TBCD: variants seen among roughly 807,000 people sequenced by gnomAD.
The protein encoded by TBCD is tubulin-specific chaperone D.
Under a neutral mutation model 169.3 loss-of-function variants are expected in TBCD, and 105 were observed. The observed-to-expected ratio is 0.62, with a 90% CI of 0.53 to 0.73. TBCD has a LOEUF of 0.73. Ranked by LOEUF, TBCD falls within the 30% of genes least tolerant of loss-of-function variation. The probability of loss-of-function intolerance (pLI) is 0.00; values close to 1 mark genes in which losing one functional copy is unlikely to be tolerated. For synonymous variants in TBCD, 700 were observed against 643.9 expected, an observed-to-expected ratio of 1.09 and a Z score of -1.32; for missense variants, 1,444 against 1,600.1, an observed-to-expected ratio of 0.90 and a Z score of 1.66.
intron 6 of TBCD, among the ~76,000 whole-genome samples, chr17:82,777,614 G>A (rs1751584723): frequency 6.6e-6 from 1 of 152,192 alleles, no homozygotes. Flanking sequence ...GAGATAAACA[G>A]CTTACATTAT....
At chr17:82,894,500 G>A (rs924604574) in intron 17 of TBCD, among the ~76,000 whole-genome samples, 1 of 152,000 alleles carries the variant, frequency 6.6e-6, no homozygotes, top group Non-Finnish European at 1.5e-5. Flanking sequence ...TGTGTAGACC[G>A]TGCAGAAAGG....
chr17:82,809,898 G>A, intron 12 of TBCD, 116 bp downstream of exon 12: 2 of 919,240 alleles, frequency 2.2e-6, no homozygotes, highest in South Asian at 3.3e-5. Context: ...AACTCCAGAA[G>A]CTCTTTTTTC....
chr17:82,907,709 G>A, intron 20 of TBCD, 52 bp from the exon 21 acceptor site: 3 of 1,604,988 alleles, frequency 1.9e-6, no homozygotes, highest in Non-Finnish European at 8.5e-7. Context: ...AGTGTACTCG[G>A]GGTTAGGGTC....
rs1187688350 is a variant in TBCD, at chr17:82,752,428, G to T, written c.184+51G>T. The T allele has an allele frequency of 4.2e-6, 5 of 1,182,304 alleles. No homozygotes were observed. The East Asian group carries it at 1.1e-4, about 26-fold the overall frequency. The allele number at this position is 1,182,304 out of a possible 1,614,324, so 73.2% of individuals were successfully genotyped here. A position where few individuals can be genotyped will look rare whatever the true frequency, so the allele number is the denominator to read the frequency against. On this transcript the variant is annotated intron_variant, in intron 1 of 38. Coordinates refer to ENST00000355528, the MANE Select transcript of TBCD (RefSeq NM_005993.5). ...CTTCCTCCCCCGGCCCGGGTTCGGC[G>T]CGCTGAGTGCACTTTACCGGGCGGG...
intron 21 of TBCD, 116 bp downstream of exon 21, chr17:82,907,937 G>T (rs2060362042): frequency 2.7e-6 from 3 of 1,120,912 alleles, no homozygotes; most frequent in East Asian, 2.6e-5. Context: ...TGCTCCATCA[G>T]TCCTGGGCTC....
At chr17:82,817,313 T>TGG (rs199916607) in intron 13 of TBCD, among the ~76,000 whole-genome samples, 2,310 of 152,100 alleles carry the variant, frequency 0.015, 58 homozygotes, top group African/African-American at 0.054. Flanking sequence ...TTTCTTTTTT[T>TGG]GAGACAGGAT....
At chr17:82,815,686 T>C (rs950981852) in intron 13 of TBCD, among the ~76,000 whole-genome samples, 23 of 152,228 alleles carry the variant, frequency 1.5e-4, no homozygotes, top group African/African-American at 5.5e-4. Context: ...GGGCCCATCC[T>C]GAGAGGGCCT....
intron 7 of TBCD, among the ~76,000 whole-genome samples, chr17:82,787,182 AGAGTG>A (rs1261699868): frequency 2.0e-5 from 3 of 152,214 alleles, no homozygotes; most frequent in Non-Finnish European, 4.4e-5. Flanking sequence ...ATGCTGGCAA[AGAGTG>A]AGGCGTGCTG....
rs992299166 is a variant in TBCD at position 82,890,695 on chromosome 17, G to A, written c.1563+998G>A. 7.9e-5 allele frequency among the ~76,000 whole-genome samples: 12 copies of A among 152,188 alleles called. No individual in the cohort carries two copies. The highest frequency in any genetic ancestry group is 2.7e-4 in the African/African-American group (11 of 41,448). On this transcript the variant is annotated intron_variant, in intron 16 of 38. Transcript: ENST00000355528. This position sits in a 1 kb window ranked among gnomAD's most constrained non-coding sequence, Gnocchi z 5.3. ...GGGCGTGACTACTTCTTGCTGGCCC[G>A]AGGCAGCCGAGGCCCACCCAGCATC... is the stretch of plus-strand genomic sequence containing the variant.
intron 7 of TBCD, 37 bp downstream of exon 7, chr17:82,781,758 GA>G: frequency 6.2e-7 from 1 of 1,603,856 alleles, no homozygotes; most frequent in Non-Finnish European, 8.5e-7. Context: ...AGATCGCAGG[GA>G]AATGGCGCCT....
rs540673328 is a variant in TBCD, at chr17:82,827,635, CACAT to C, written c.1318+12702_1318+12705del. Among the ~76,000 whole-genome samples, 7 of 152,272 alleles carry C rather than the reference CACAT, an allele frequency of 4.6e-5. No individual in the cohort carries two copies. In the East Asian group the frequency reaches 9.6e-4, roughly 21 times the overall value. On this transcript the variant is annotated intron_variant, in intron 13 of 38. Transcript: ENST00000355528. ...ACACACGTGTACATGTGCACACTGA[CACAT>C]GCACGTTGACACGTGTACACCCAAT...
intron 7 of TBCD, among the ~76,000 whole-genome samples, chr17:82,791,354 G>T (rs1050047689): frequency 2.0e-5 from 3 of 152,306 alleles, no homozygotes; most frequent in Non-Finnish European, 2.9e-5. Flanking sequence ...GCCTCCCAAA[G>T]TGCTGGGATT....
Position 82,938,224 on chromosome 17 carries a change from G to T in TBCD, c.3369+88G>T, listed in dbSNP as rs1056892955. 33 of 1,427,468 alleles carry T rather than the reference G, an allele frequency of 2.3e-5. No individual in the cohort carries two copies. In the African/African-American group the frequency reaches 4.5e-4, roughly 20 times the overall value. The allele number at this position is 1,427,468 out of a possible 1,614,324, so 88.4% of individuals were successfully genotyped here. A position where few individuals can be genotyped will look rare whatever the true frequency, so the allele number is the denominator to read the frequency against. On this transcript the variant is annotated intron_variant, in intron 36 of 38. Coordinates refer to ENST00000355528, the MANE Select transcript of TBCD (RefSeq NM_005993.5). The stretch of plus-strand genomic sequence containing the variant: ...AGGCCTTCGCTGGCACTGTTGTGTT[G>T]GTGTGCTTTCCAGCCGAGCCCCTCT...
chr17:82,918,407 G>C (rs1000805574), intron 23 of TBCD: 1 of 152,150 alleles, frequency 6.6e-6, no homozygotes, highest in Non-Finnish European at 1.5e-5. Flanking sequence ...GTATGGTCGT[G>C]GCATTTCGAG....
rs553172184 is a variant in TBCD at position 82,932,691 on chromosome 17, C to T, written c.3147C>T (p.His1049=). ...VSVPLLKTLD[H]VLTHGCFDIF... is the part of the protein sequence containing the mutation. ...TGCCGCTGCTGAAGACGCTGGACCA[C>T]GTGCTCACCCACGGCTGCTTCGACA... The change falls in exon 34 of 39, where the codon CAC becomes CAT. Residue 1049 remains histidine (H), a synonymous_variant. Transcript: ENST00000355528. 38 of 1,613,814 alleles carry T rather than the reference C, an allele frequency of 2.4e-5. 1 individual carries two copies. The highest frequency in any genetic ancestry group is 1.8e-4 in the South Asian group (16 of 91,020).
In TBCD at chr17:82,943,940, T is replaced by G. The variant is rs1160367779; in HGVS notation, c.*1477T>G. On this transcript the variant is annotated 3_prime_UTR_variant, in exon 39 of 39. Transcript: ENST00000355528. ...ATGAGTCCACACAGTGGAAAAGGCT[T>G]GGCTCCTGTGGTCGGCACACACGAG... The G allele has an allele frequency of 6.6e-6, 1 of 152,192 alleles. No homozygotes were observed. The highest frequency in any genetic ancestry group is 1.5e-5 in the Non-Finnish European group (1 of 68,042). 9.4% of individuals were successfully genotyped at this position (152,192 alleles called of 1,614,324 possible). A position where few individuals can be genotyped will look rare whatever the true frequency, so the allele number is the denominator to read the frequency against.
In TBCD at chr17:82,784,614, G is replaced by A. The variant is rs114470900; in HGVS notation, c.771+2893G>A. Among the ~76,000 whole-genome samples the A allele has an allele frequency of 1.0e-2, 1,522 of 152,206 alleles. 20 individuals carry two copies. The highest frequency in any genetic ancestry group is 0.035 in the African/African-American group (1,447 of 41,514). On this transcript the variant is annotated intron_variant, in intron 7 of 38. Transcript: ENST00000355528. ...ATTGGATTCTTCATTTTTTGCCTTGGGTCTCACTGAGGAAACATGAAGAAG... is the reference window on the plus strand; with the variant it reads ...ATTGGATTCTTCATTTTTTGCCTTGAGTCTCACTGAGGAAACATGAAGAAG...
At chr17:82,816,761 G>C (rs1247378672) in intron 13 of TBCD, among the ~76,000 whole-genome samples, 1 of 149,108 alleles carries the variant, frequency 6.7e-6, no homozygotes, top group Non-Finnish European at 1.5e-5. Context: ...TGGTCTTGAA[G>C]TCCTCAGCTG....
rs886102648 is a variant in TBCD at position 82,945,695 on chromosome 17, T to C, written c.*3232T>C. On this transcript the variant is annotated 3_prime_UTR_variant, in exon 39 of 39. Coordinates refer to ENST00000355528, the MANE Select transcript of TBCD (RefSeq NM_005993.5). ...GAGAGCTGTCCTGTTTATTGCAGGG[T>C]GTTCAGCAACATCCCAGATGGAAGC... is the stretch of plus-strand genomic sequence containing the variant. 8 of 152,132 alleles carry C rather than the reference T, an allele frequency of 5.3e-5. No homozygotes were observed. Among genetic ancestry groups the C allele is most frequent in the Non-Finnish European group, 8.8e-5 (6 of 68,024 alleles). The allele number at this position is 152,132 out of a possible 1,614,324, so 9.4% of individuals were successfully genotyped here. A position where few individuals can be genotyped will look rare whatever the true frequency, so the allele number is the denominator to read the frequency against.
Sources: gnomAD v4.1 joint callset for allele counts (sites outside exome capture counted in the v4.1 genomes callset) on GRCh38, gnomAD v4.1.1 for gene constraint, Gnocchi (gnomAD v3.1) non-coding constraint, MANE v1.5 for transcripts, NCBI Gene and HGNC (gene_info 2026-07-23, HGNC 2026-07-21) for gene names.